The following PXDN variants were observed in gnomAD, a reference collection of about 807,000 sequenced individuals.
PXDN encodes the protein peroxidasin homolog.
In PXDN, 77 loss-of-function variants were observed where a neutral mutation model predicts 140.3. That is an observed-to-expected ratio of 0.55 (90% CI 0.46 to 0.66). The LOEUF (loss-of-function observed/expected upper bound fraction) is 0.66, where lower values mean the gene tolerates loss of function less well. PXDN is among the 30% of genes least tolerant of loss of function. The pLI is 0.00. For synonymous variants in PXDN, 911 were observed against 857.4 expected, an observed-to-expected ratio of 1.06 and a Z score of -1.09; for missense variants, 1,838 against 2,039.5, an observed-to-expected ratio of 0.90 and a Z score of 1.90.
chr2:1,658,668 C>T (rs1014498316), intron 14 of PXDN, among the ~76,000 whole-genome samples: 2 of 152,082 alleles, frequency 1.3e-5, no homozygotes, highest in Non-Finnish European at 1.5e-5. Flanking sequence ...TTCCTCATGG[C>T]GTCCCGGTAT....
intron 13 of PXDN, 102 bp from the exon 14 acceptor site, chr2:1,661,139 A>G (rs1683295182): frequency 2.9e-6 from 4 of 1,386,954 alleles, no homozygotes; most frequent in Middle Eastern, 3.7e-4. Context: ...AGGATTTGCA[A>G]ATGGAGAAGC....
At chr2:1,663,468 A>G (rs1478844689) in intron 12 of PXDN, 137 bp downstream of exon 12, 2 of 1,214,082 alleles carry the variant, frequency 1.6e-6, no homozygotes, top group African/African-American at 3.0e-5. Context: ...CACAAGCACA[A>G]TGACGGTGCA....
intron 19 of PXDN, among the ~76,000 whole-genome samples, chr2:1,640,995 C>CT (rs1178920385): frequency 1.3e-5 from 2 of 152,356 alleles, no homozygotes; most frequent in East Asian, 3.9e-4. Flanking sequence ...GCTCAGCGGC[C>CT]TGGCCTGCAC....
chr2:1,692,889 C>A, intron 2 of PXDN, among the ~76,000 whole-genome samples, 174 bp downstream of exon 2: 1 of 152,328 alleles, frequency 6.6e-6, no homozygotes, highest in Middle Eastern at 3.4e-3. Context: ...AACACAGTGG[C>A]CACAGTCCTG....
chr2:1,653,709 C>A lies in PXDN; in HGVS notation c.2023G>T (p.Ala675Ser). Residue 675 changes from alanine to serine, a missense_variant, in exon 16 of 23, where the codon GCG becomes TCG. Coordinates refer to ENST00000252804, the MANE Select transcript of PXDN (RefSeq NM_012293.3). ...AATGTCCGTTCAAAGATTTCTCCCG[C>A]CCGTGCCTGTTCAACTGTGTAAGGA... ...RDPYTVEQAR[A>S]GEIFERTLQL... 6.2e-7 allele frequency: 1 copy of A among 1,606,562 alleles called. No homozygotes were observed. Among genetic ancestry groups the A allele is most frequent in the Non-Finnish European group, 8.5e-7 (1 of 1,176,622 alleles).
intron 19 of PXDN, among the ~76,000 whole-genome samples, chr2:1,640,417 C>T (rs1682697662): frequency 6.6e-6 from 1 of 152,206 alleles, no homozygotes; most frequent in Non-Finnish European, 1.5e-5. Flanking sequence ...CCCATGCTAG[C>T]TTTCCTGTCT....
At chr2:1,680,425 A>C in intron 6 of PXDN, 63 bp from the exon 7 acceptor site, 9 of 1,581,148 alleles carry the variant, frequency 5.7e-6, no homozygotes, top group Non-Finnish European at 7.8e-6. Context: ...TCCATCCATC[A>C]GACAGGGCTT....
chr2:1,649,510 C>T lies in PXDN; in HGVS notation c.2270G>A (p.Gly757Asp). ...GCGCTCGAAGGCGGTCAGCGAGGCGCCCCACATGGGGTGCTGCAGGTTGTT... is the reference window on the plus strand; with the variant it reads ...GCGCTCGAAGGCGGTCAGCGAGGCGTCCCACATGGGGTGCTGCAGGTTGTT... ...TCNNLQHPMW[G>D]ASLTAFERLL... Residue 757 changes from glycine (G) to aspartate (D), a missense_variant, in exon 17 of 23, where the codon GGC becomes GAC. Around this residue, in one of 5 missense-constraint regions of PXDN, gnomAD observed 537 missense variants for 583.9 expected, o/e 0.92. Transcript: ENST00000252804. The surrounding 1 kb of genome is among the most constrained non-coding windows in gnomAD (Gnocchi z 7.1). The T allele has an allele frequency of 6.2e-7, 1 of 1,614,008 alleles. No individual in the cohort carries two copies. Among genetic ancestry groups the T allele is most frequent in the Non-Finnish European group, 8.5e-7 (1 of 1,179,876 alleles).
chr2:1,671,520 A>G (rs996363964), intron 9 of PXDN, among the ~76,000 whole-genome samples: 1 of 152,214 alleles, frequency 6.6e-6, no homozygotes, highest in Non-Finnish European at 1.5e-5. Context: ...AATACGAATC[A>G]AGTAGAAGCT....
intron 13 of PXDN, among the ~76,000 whole-genome samples, 177 bp from the exon 14 acceptor site, chr2:1,661,214 T>C (rs1683296941): frequency 6.6e-6 from 1 of 152,206 alleles, no homozygotes. Context: ...GTTCTCCCAG[T>C]GCCAAGCTGG....
intron 16 of PXDN, among the ~76,000 whole-genome samples, chr2:1,650,710 C>G (rs1007298726): frequency 6.6e-6 from 1 of 152,102 alleles, no homozygotes; most frequent in Non-Finnish European, 1.5e-5. Flanking sequence ...CACATGCACG[C>G]TTAAATGTTT....
At chr2:1,659,991 CG>C (rs1558495684) in intron 14 of PXDN, among the ~76,000 whole-genome samples, 1 of 152,098 alleles carries the variant, frequency 6.6e-6, no homozygotes, top group African/African-American at 2.4e-5. Context: ...CCAGCGCCTG[CG>C]GGGAGTGGGG....
intron 1 of PXDN, 57 bp downstream of exon 1, chr2:1,744,199 C>G: frequency 7.1e-7 from 1 of 1,416,004 alleles, no homozygotes; most frequent in Non-Finnish European, 9.2e-7. Flanking sequence ...CCCCTGCGCT[C>G]CCGGATCTCC....
chr2:1,738,055 C>T (rs936586203), intron 1 of PXDN, among the ~76,000 whole-genome samples: 3 of 152,152 alleles, frequency 2.0e-5, no homozygotes, highest in Admixed American at 6.5e-5. Flanking sequence ...TGAGGAGCTA[C>T]TGGCCCACAT....
At position 1,725,983 on chromosome 2, in the gene PXDN, C is replaced by T. The variant is rs556086510; in HGVS notation, c.200+18273G>A. Among the ~76,000 whole-genome samples, 448 of 150,634 alleles carry T rather than the reference C, an allele frequency of 3.0e-3. 4 individuals are homozygous for T. The South Asian group carries it at 0.03, about 10-fold the overall frequency. ...GAACACTTTTACACCGTTGGTGGGA[C>T]TGTAAACTAGTTCAACCCTTGTGGA... On this transcript the variant is annotated intron_variant, in intron 1 of 22. Transcript: ENST00000252804.
In PXDN at chr2:1,634,026, C is replaced by T. The variant is rs1341533735; in HGVS notation, c.*178G>A. On this transcript the variant is annotated 3_prime_UTR_variant, in exon 23 of 23. Coordinates refer to ENST00000252804, the MANE Select transcript of PXDN (RefSeq NM_012293.3). ...CAGGCACCTGCTGTGCCTCCTTCTC[C>T]GCAGATGCTCTGGTTGGAAGCCTCC... 15 of 907,742 alleles carry T rather than the reference C, an allele frequency of 1.7e-5. No individual in the cohort carries two copies. Among genetic ancestry groups the T allele is most frequent in the South Asian group, 5.2e-5 (2 of 38,616 alleles). The allele number at this position is 907,742 out of a possible 1,614,324, so 56.2% of individuals were successfully genotyped here.
At chr2:1,720,194 A>G (rs1437862919) in intron 1 of PXDN, among the ~76,000 whole-genome samples, 10 of 24,686 alleles carry the variant, frequency 4.1e-4, no homozygotes, top group Non-Finnish European at 5.8e-4. Flanking sequence ...ATGCACAGAG[A>G]GAGGGAGGGA....
chr2:1,727,960 G>A (rs903177261), intron 1 of PXDN, among the ~76,000 whole-genome samples: 1 of 152,270 alleles, frequency 6.6e-6, no homozygotes, highest in East Asian at 1.9e-4. Context: ...CTTTGAGACA[G>A]GGTCTGGCTC....
intron 9 of PXDN, among the ~76,000 whole-genome samples, chr2:1,669,442 C>T (rs1457468791): frequency 6.6e-6 from 1 of 152,204 alleles, no homozygotes; most frequent in East Asian, 1.9e-4. Flanking sequence ...ACATTCAGCA[C>T]ATATATCCCA....
Sources: allele counts gnomAD v4.1 joint callset (sites outside exome capture counted in the v4.1 genomes callset), GRCh38; gene constraint gnomAD v4.1.1; regional missense constraint gnomAD v4.1.1; non-coding constraint Gnocchi (gnomAD v3.1); transcripts MANE v1.5; gene names NCBI Gene and HGNC (gene_info 2026-07-23, HGNC 2026-07-21).